The following DEUP1 variants were observed in gnomAD, a reference collection of about 807,000 sequenced individuals.
DEUP1 encodes the protein coiled-coil domain containing 67.
DEUP1 carries 82 observed loss-of-function variants against 87.4 expected under a neutral mutation model. The ratio of observed to expected loss-of-function variants is 0.94; its 90% CI spans 0.78 to 1.13. DEUP1 has a LOEUF of 1.13. DEUP1 is among the 50% of genes most tolerant of loss of function. The probability of loss-of-function intolerance (pLI) is 0.00; values close to 1 mark genes in which losing one functional copy is unlikely to be tolerated. For missense variants in DEUP1, 663 were observed against 681.5 expected, an observed-to-expected ratio of 0.97 and a Z score of 0.30; for synonymous variants, 214 against 222.7, an observed-to-expected ratio of 0.96 and a Z score of 0.35.
At chr11:93,383,871 G>A (rs1946416090) in intron 7 of DEUP1, among the ~76,000 whole-genome samples, 1 of 152,104 alleles carries the variant, frequency 6.6e-6, no homozygotes, top group Non-Finnish European at 1.5e-5. Context: ...ATTGGACTAG[G>A]AGTCAAAAGA....
At chr11:93,354,420 A>T (rs1040126103) in intron 2 of DEUP1, among the ~76,000 whole-genome samples, 1 of 152,186 alleles carries the variant, frequency 6.6e-6, no homozygotes, top group African/African-American at 2.4e-5. Flanking sequence ...AAACTGTTCC[A>T]ACCTCTGCCC....
chr11:93,389,832 G>A (rs545236381), intron 9 of DEUP1, among the ~76,000 whole-genome samples: 1 of 152,254 alleles, frequency 6.6e-6, no homozygotes, highest in African/African-American at 2.4e-5. Flanking sequence ...ATCTAGCTCA[G>A]AGGAAGTATC....
chr11:93,435,982 T>G (rs1373807420), intron 13 of DEUP1, among the ~76,000 whole-genome samples: 6 of 137,594 alleles, frequency 4.4e-5, no homozygotes, highest in Non-Finnish European at 9.3e-5. Context: ...GGCGACAGAG[T>G]GAGACTCCGT....
intron 2 of DEUP1, among the ~76,000 whole-genome samples, chr11:93,336,753 A>G (rs1036739554): frequency 6.6e-6 from 1 of 152,156 alleles, no homozygotes; most frequent in African/African-American, 2.4e-5. Flanking sequence ...TCTAGGAGTC[A>G]ACCCCTTCTT....
At chr11:93,400,900 C>T (rs754652789) in intron 11 of DEUP1, among the ~76,000 whole-genome samples, 5 of 152,016 alleles carry the variant, frequency 3.3e-5, no homozygotes, top group Non-Finnish European at 5.9e-5. Flanking sequence ...ATAAGGATGC[C>T]CATTTCACCA....
At position 93,382,378 on chromosome 11, in the gene DEUP1, CA is replaced by C. The variant is rs1946340746; in HGVS notation, c.790-3017del. ...ATACTTTGCATATTCATTCACATGT[CA>C]AATCATTATTACTCATTTGTATTAT... On this transcript the variant is annotated intron_variant, in intron 7 of 13. Coordinates refer to ENST00000298050, the MANE Select transcript of DEUP1 (RefSeq NM_181645.4). 2.0e-5 allele frequency among the ~76,000 whole-genome samples: 3 copies of C among 152,234 alleles called. No individual in the cohort carries two copies. In the South Asian group the frequency reaches 6.2e-4, roughly 32 times the overall value.
rs148964852 is a variant in DEUP1, at chr11:93,385,477, G to A, written c.869G>A (p.Arg290Gln). The A allele has an allele frequency of 1.3e-4, 213 of 1,611,688 alleles. 1 individual carries two copies. In the East Asian group the frequency reaches 1.5e-3, roughly 12 times the overall value. ...CTCTTGAGAATTATAGAAATGGAAC[G>A]ATTGCAATTACACAGAGAATTATTA... The part of the protein sequence containing the change: ...DDLLRIIEME[R>Q]LQLHRELLKI... Residue 290 changes from arginine to glutamine, a missense_variant, in exon 8 of 14, where the codon CGA (arginine) becomes CAA (glutamine). Transcript: ENST00000298050.
chr11:93,342,592 T>C (rs1157622881), intron 2 of DEUP1, among the ~76,000 whole-genome samples: 1 of 152,222 alleles, frequency 6.6e-6, no homozygotes, highest in Non-Finnish European at 1.5e-5. Flanking sequence ...TTATATTTCA[T>C]AGGACAGATT....
intron 13 of DEUP1, among the ~76,000 whole-genome samples, chr11:93,418,647 A>G (rs1375075272): frequency 4.7e-5 from 7 of 150,392 alleles, no homozygotes; most frequent in East Asian, 4.0e-4. Context: ...ATCTAGAACT[A>G]GAAATACCAT....
At chr11:93,371,843 T>G (rs1351586085) in intron 7 of DEUP1, among the ~76,000 whole-genome samples, 1 of 152,230 alleles carries the variant, frequency 6.6e-6, no homozygotes, top group Non-Finnish European at 1.5e-5. Flanking sequence ...GTTTTTTTCT[T>G]TTTTGTCTAT....
At chr11:93,407,803 T>C (rs1431475327) in intron 11 of DEUP1, among the ~76,000 whole-genome samples, 1 of 151,822 alleles carries the variant, frequency 6.6e-6, no homozygotes, top group African/African-American at 2.4e-5. Flanking sequence ...ACAAAAAAAC[T>C]TGAAATCTAG....
intron 13 of DEUP1, among the ~76,000 whole-genome samples, chr11:93,416,862 A>C (rs1488994606): frequency 6.6e-6 from 1 of 152,100 alleles, no homozygotes; most frequent in Non-Finnish European, 1.5e-5. Flanking sequence ...CTGGGATGCA[A>C]GGCTGGTTCA....
chr11:93,367,740 A>G (rs1238114564), intron 5 of DEUP1, among the ~76,000 whole-genome samples: 1 of 152,180 alleles, frequency 6.6e-6, no homozygotes, highest in Non-Finnish European at 1.5e-5. Context: ...CATTCATGCC[A>G]TGTTTCTATA....
intron 10 of DEUP1, 125 bp downstream of exon 10, chr11:93,394,781 G>A: frequency 1.5e-6 from 1 of 683,284 alleles, no homozygotes; most frequent in Non-Finnish European, 2.3e-6. Flanking sequence ...TAGCTTCACA[G>A]AAATGCTTTG....
intron 2 of DEUP1, among the ~76,000 whole-genome samples, chr11:93,347,886 C>T (rs952254167): frequency 9.2e-5 from 14 of 152,044 alleles, no homozygotes; most frequent in East Asian, 5.8e-4. Flanking sequence ...ACTACAGGCG[C>T]GTGCCACCAC....
chr11:93,382,592 A>G (rs1404651364), intron 7 of DEUP1, among the ~76,000 whole-genome samples: 1 of 152,156 alleles, frequency 6.6e-6, no homozygotes, highest in East Asian at 1.9e-4. Context: ...TGGCAACACT[A>G]TATTTTATAG....
intron 2 of DEUP1, among the ~76,000 whole-genome samples, chr11:93,338,230 G>A (rs1943871140): frequency 6.6e-6 from 1 of 152,088 alleles, no homozygotes; most frequent in South Asian, 2.1e-4. Context: ...AAGCTGGCAA[G>A]AGAAGTAGCA....
chr11:93,378,644 G>A (rs1946150747), intron 7 of DEUP1, among the ~76,000 whole-genome samples: 2 of 152,086 alleles, frequency 1.3e-5, no homozygotes, highest in South Asian at 4.2e-4. Flanking sequence ...GGTTGCTGAA[G>A]AACCTTGTTT....
chr11:93,419,145 C>A (rs1346277041), intron 13 of DEUP1, among the ~76,000 whole-genome samples: 1 of 149,900 alleles, frequency 6.7e-6, no homozygotes, highest in Non-Finnish European at 1.5e-5. Context: ...AACTAACCTG[C>A]ACATTGTGCA....
Sources: gnomAD v4.1 joint callset for allele counts (sites outside exome capture counted in the v4.1 genomes callset) on GRCh38, gnomAD v4.1.1 for gene constraint, MANE v1.5 for transcripts, NCBI Gene and HGNC (gene_info 2026-07-23, HGNC 2026-07-21) for gene names.